PCDH9: variants seen among roughly 807,000 people sequenced by gnomAD.
PCDH9 encodes the protein protocadherin-9.
Under a neutral mutation model 70.6 loss-of-function variants are expected in PCDH9, and 24 were observed. The ratio of observed to expected loss-of-function variants is 0.34; its 90% confidence interval spans 0.25 to 0.48. PCDH9 has a LOEUF of 0.48. Ranked by LOEUF, PCDH9 falls within the 20% of genes least tolerant of loss-of-function variation. The pLI is 0.99. For synonymous variants in PCDH9, 562 were observed against 558.5 expected (o/e 1.01, Z -0.09); for missense variants, 1,281 against 1,503.6 (o/e 0.85, Z 2.45).
intron 4 of PCDH9, among the ~76,000 whole-genome samples, chr13:66,311,366 CTGTGTGTG>C (rs71803849): frequency 7.5e-6 from 1 of 132,722 alleles, no homozygotes; most frequent in African/African-American, 3.1e-5. Flanking sequence ...CTCTCTCTCT[CTGTGTGTG>C]TGTGTGTGTG....
chr13:66,337,633 A>G (rs1956059687), intron 4 of PCDH9, among the ~76,000 whole-genome samples: 1 of 151,858 alleles, frequency 6.6e-6, no homozygotes, highest in South Asian at 2.1e-4. Flanking sequence ...AGAAATACAG[A>G]CTCCTTGGCT....
chr13:66,964,107 G>C (rs2139731949), intron 2 of PCDH9, among the ~76,000 whole-genome samples: 1 of 151,932 alleles, frequency 6.6e-6, no homozygotes, highest in East Asian at 1.9e-4. Flanking sequence ...CTTAGTTGTT[G>C]CTTATATTCA....
intron 2 of PCDH9, among the ~76,000 whole-genome samples, chr13:67,054,094 G>A (rs1484226559): frequency 2.0e-5 from 3 of 152,024 alleles, no homozygotes; most frequent in Non-Finnish European, 2.9e-5. Context: ...ACAGACTGGT[G>A]AAATAACTGG....
At chr13:66,312,447 C>CA (rs1307292558) in intron 4 of PCDH9, among the ~76,000 whole-genome samples, 1 of 151,940 alleles carries the variant, frequency 6.6e-6, no homozygotes, top group African/African-American at 2.4e-5. Context: ...ACCGGCTCTA[C>CA]AAAAAATACA....
At chr13:66,316,493 G>A (rs1266149393) in intron 4 of PCDH9, among the ~76,000 whole-genome samples, 1 of 152,034 alleles carries the variant, frequency 6.6e-6, no homozygotes, top group African/African-American at 2.4e-5. Context: ...TTCTTTCCCT[G>A]TACTTCCCTG....
chr13:66,564,615 T>G (rs2076625405), intron 4 of PCDH9, among the ~76,000 whole-genome samples: 1 of 139,164 alleles, frequency 7.2e-6, no homozygotes, highest in Admixed American at 7.0e-5. Flanking sequence ...ACAAGACAAT[T>G]TTAAAAACAG....
intron 4 of PCDH9, among the ~76,000 whole-genome samples, chr13:66,565,794 G>T (rs2076644051): frequency 6.6e-6 from 1 of 152,016 alleles, no homozygotes; most frequent in Middle Eastern, 3.4e-3. Context: ...CAACAACATT[G>T]GTCTGTTAGG....
chr13:66,778,048 T>C (rs550841560), intron 3 of PCDH9, among the ~76,000 whole-genome samples: 1,920 of 145,726 alleles, frequency 0.013, 37 homozygotes, highest in African/African-American at 0.046. Flanking sequence ...AACCAAGCAC[T>C]GCATATTCTC....
At chr13:66,458,728 C>T (rs960353495) in intron 4 of PCDH9, among the ~76,000 whole-genome samples, 8 of 151,924 alleles carry the variant, frequency 5.3e-5, no homozygotes, top group South Asian at 2.1e-4. Flanking sequence ...TGGTGACATT[C>T]GAAGAGTCCA....
intron 4 of PCDH9, among the ~76,000 whole-genome samples, chr13:66,429,102 ACT>A (rs1310069668): frequency 6.6e-6 from 1 of 151,154 alleles, no homozygotes; most frequent in Admixed American, 6.6e-5. Context: ...AAGAACACAC[ACT>A]GTTTCTTATT....
intron 3 of PCDH9, among the ~76,000 whole-genome samples, chr13:66,653,716 C>T (rs1246331405): frequency 6.6e-6 from 1 of 151,824 alleles, no homozygotes; most frequent in East Asian, 1.9e-4. Context: ...GCCTATAATC[C>T]CAGCAGTTTG....
chr13:66,495,695 G>T (rs578153874), intron 4 of PCDH9, among the ~76,000 whole-genome samples: 1 of 152,218 alleles, frequency 6.6e-6, no homozygotes, highest in East Asian at 1.9e-4. Context: ...GAACACACTG[G>T]TGACTCTTTG....
rs539717526 is a variant in PCDH9, at chr13:67,050,947, G to A, written c.3037-147342C>T. Among the ~76,000 whole-genome samples, 4 of 152,218 alleles carry A rather than the reference G, an allele frequency of 2.6e-5. No homozygotes were observed. The South Asian group carries it at 8.3e-4, about 32-fold the overall frequency. The stretch of plus-strand genomic sequence containing the variant: ...TTCAGCATATACAAACATGTCAAGA[G>A]TTAGTAATAAAAAATACAACTAAAA... On this transcript the variant is annotated intron_variant, in intron 2 of 4. Coordinates refer to ENST00000377865, the MANE Select transcript of PCDH9 (RefSeq NM_203487.3).
intron 3 of PCDH9, among the ~76,000 whole-genome samples, chr13:66,840,370 A>G (rs1034180135): frequency 1.3e-5 from 2 of 152,216 alleles, no homozygotes; most frequent in Admixed American, 6.5e-5. Flanking sequence ...ATAAAAATAT[A>G]GTTAAATATT....
intron 3 of PCDH9, among the ~76,000 whole-genome samples, chr13:66,885,379 G>T (rs771149329): frequency 6.6e-6 from 1 of 152,006 alleles, no homozygotes; most frequent in Non-Finnish European, 1.5e-5. Context: ...AAAATGCCTA[G>T]GAAAATATAT....
At chr13:66,628,548 C>T (rs2077528013) in intron 4 of PCDH9, among the ~76,000 whole-genome samples, 1 of 152,176 alleles carries the variant, frequency 6.6e-6, no homozygotes, top group Admixed American at 6.5e-5. Flanking sequence ...GTTTCCCAGG[C>T]TGGAGTGCAG....
intron 2 of PCDH9, among the ~76,000 whole-genome samples, chr13:67,044,511 C>T (rs549981879): frequency 2.2e-4 from 33 of 152,220 alleles, no homozygotes; most frequent in Admixed American, 4.6e-4. Flanking sequence ...GTACAAAGTG[C>T]AATATCTCAC....
intron 4 of PCDH9, among the ~76,000 whole-genome samples, chr13:66,613,065 G>T (rs551733522): frequency 5.3e-5 from 8 of 152,212 alleles, no homozygotes; most frequent in South Asian, 2.1e-4. Context: ...GAGGGTGGGG[G>T]AAACCATGCC....
intron 2 of PCDH9, among the ~76,000 whole-genome samples, chr13:67,040,068 A>T (rs1046692234): frequency 2.6e-5 from 4 of 152,368 alleles, no homozygotes; most frequent in African/African-American, 9.6e-5. Context: ...CACTTACACA[A>T]TAGCAATCAC....
Sources: allele counts gnomAD v4.1 joint callset (sites outside exome capture counted in the v4.1 genomes callset), GRCh38; gene constraint gnomAD v4.1.1; transcripts MANE v1.5; gene names NCBI Gene and HGNC (gene_info 2026-07-23, HGNC 2026-07-21).